VCPIP1: variants seen among roughly 807,000 people sequenced by gnomAD.
The protein encoded by VCPIP1 is valosin containing protein interacting protein 1, also known as deubiquitinating protein VCPIP1.
In VCPIP1, 8 loss-of-function variants were observed where a neutral mutation model predicts 85.0. The ratio of observed to expected loss-of-function variants is 0.09; its 90% confidence interval spans 0.06 to 0.17. The LOEUF is 0.17. VCPIP1 is among the 10% of genes least tolerant of loss of function. VCPIP1 has a pLI of 1.00. For missense variants in VCPIP1, 1,070 were observed against 1,486.3 expected, an observed-to-expected ratio of 0.72 and a Z score of 4.61; for synonymous variants, 543 against 544.5, an observed-to-expected ratio of 1.00 and a Z score of 0.04.
chr8:66,653,229 TAA>T (rs1811070426), intron 1 of VCPIP1, among the ~76,000 whole-genome samples: 1 of 152,184 alleles, frequency 6.6e-6, no homozygotes, highest in African/African-American at 2.4e-5. Flanking sequence ...TTAATATTAA[TAA>T]GAGTCCACAA....
chr8:66,643,536 T>C (rs538805024), intron 2 of VCPIP1, among the ~76,000 whole-genome samples: 3 of 151,966 alleles, frequency 2.0e-5, no homozygotes, highest in African/African-American at 7.2e-5. Flanking sequence ...ACCCTGTCTC[T>C]ACTAAAAATA....
At chr8:66,653,834 A>G (rs1811074909) in intron 1 of VCPIP1, among the ~76,000 whole-genome samples, 2 of 152,138 alleles carry the variant, frequency 1.3e-5, no homozygotes, top group Admixed American at 1.3e-4. Flanking sequence ...GATATACCTT[A>G]TATCTGCTTA....
intron 2 of VCPIP1, among the ~76,000 whole-genome samples, chr8:66,636,236 CAAAAAAAA>C (rs1180259925): frequency 3.9e-4 from 16 of 41,524 alleles, no homozygotes; most frequent in South Asian, 3.3e-3. Flanking sequence ...GACTCCATCT[CAAAAAAAA>C]AAAAAAAAAA....
chr8:66,649,343 T>C (rs1811030705), intron 2 of VCPIP1, among the ~76,000 whole-genome samples: 1 of 151,912 alleles, frequency 6.6e-6, no homozygotes, highest in Non-Finnish European at 1.5e-5. Flanking sequence ...AAACCCCATC[T>C]CAACTAAAAA....
At chr8:66,645,202 C>T (rs998969318) in intron 2 of VCPIP1, among the ~76,000 whole-genome samples, 4 of 150,844 alleles carry the variant, frequency 2.7e-5, no homozygotes, top group Admixed American at 1.3e-4. Context: ...AGGCAGATCA[C>T]GAGTCAGGAG....
Position 66,632,026 on chromosome 8 carries a change from T to C in VCPIP1, c.*2475A>G, listed in dbSNP as rs182935512. On this transcript the variant is annotated 3_prime_UTR_variant, in exon 3 of 3. Transcript: ENST00000310421. Reference sequence around the variant, plus strand: ...GTTTAGTGAAGCACTGCAAACAGAATTGCAGGAATGCATTTTAGTTATAAT... The same window carrying C: ...GTTTAGTGAAGCACTGCAAACAGAACTGCAGGAATGCATTTTAGTTATAAT... 43 of 151,182 alleles carry C rather than the reference T, an allele frequency of 2.8e-4. No individual in the cohort carries two copies. The highest frequency in any genetic ancestry group is 1.0e-3 in the African/African-American group (42 of 41,134). 9.4% of individuals were successfully genotyped at this position (151,182 alleles called of 1,614,324 possible).
chr8:66,659,770 A>C (rs898546788), intron 1 of VCPIP1, among the ~76,000 whole-genome samples: 6 of 152,024 alleles, frequency 3.9e-5, no homozygotes, highest in African/African-American at 1.2e-4. Context: ...ATCTCTACTA[A>C]AAATACAAAA....
chr8:66,645,495 T>C (rs114179804), intron 2 of VCPIP1, among the ~76,000 whole-genome samples: 4,004 of 152,228 alleles, frequency 0.026, 187 homozygotes, highest in African/African-American at 0.09. Context: ...AATTGAAATT[T>C]GTAGAAGCAT....
In VCPIP1 at chr8:66,665,722, G is replaced by C. The variant is rs747484340; in HGVS notation, c.1237C>G (p.Leu413Val). Residue 413 changes from leucine (L) to valine (V), a missense_variant, in exon 1 of 3, where the codon CTT becomes GTT. This residue lies in a region of VCPIP1 where 83 missense variants were observed against 134.6 expected (regional missense o/e 0.62). Transcript: ENST00000310421. The surrounding 1 kb of genome is among the most constrained non-coding windows in gnomAD (Gnocchi z 4.3). Reference protein sequence around the residue: ...RSLQDKYLLRLVAAMEEVFMD... With the variant: ...RSLQDKYLLRVVAAMEEVFMD... ...AAGACTTCTTCCATAGCAGCAACAA[G>C]CCTAAGTAAGTATTTATCTTGCAAA... is the stretch of plus-strand genomic sequence containing the variant. 6.2e-7 allele frequency: 1 copy of C among 1,613,994 alleles called. No individual in the cohort carries two copies. The highest frequency in any genetic ancestry group is 1.3e-5 in the African/African-American group (1 of 74,908).
intron 2 of VCPIP1, among the ~76,000 whole-genome samples, chr8:66,645,912 A>G (rs562248124): frequency 6.0e-4 from 91 of 152,208 alleles, no homozygotes; most frequent in African/African-American, 2.1e-3. Flanking sequence ...CCCGGGTAAC[A>G]AAGTGGGACC....
intron 2 of VCPIP1, among the ~76,000 whole-genome samples, chr8:66,638,532 C>G (rs1810911800): frequency 1.3e-5 from 2 of 149,938 alleles, no homozygotes. Context: ...GTAATCCCAG[C>G]ACTTTGGGAG....
At chr8:66,645,030 T>C (rs1416300359) in intron 2 of VCPIP1, among the ~76,000 whole-genome samples, 2 of 144,954 alleles carry the variant, frequency 1.4e-5, no homozygotes, top group African/African-American at 2.6e-5. Context: ...GCCCAGTTGG[T>C]GGTGGGACAC....
In VCPIP1 at chr8:66,629,238, GCA is replaced by G. The variant is rs1325107168; in HGVS notation, c.*5261_*5262del. The stretch of plus-strand genomic sequence containing the variant: ...GATCATCATCCTCGCAGAGAGGAAT[GCA>G]CAGAGAGGTCACAGAAAGCAGCGTA... On this transcript the variant is annotated 3_prime_UTR_variant, in exon 3 of 3. Coordinates refer to ENST00000310421, the MANE Select transcript of VCPIP1 (RefSeq NM_025054.5). 2 of 152,174 alleles carry G rather than the reference GCA, an allele frequency of 1.3e-5. No homozygotes were observed. The highest frequency in any genetic ancestry group is 2.4e-5 in the African/African-American group (1 of 41,434). 9.4% of individuals were successfully genotyped at this position (152,174 alleles called of 1,614,324 possible).
chr8:66,664,277 G>A lies in VCPIP1; in HGVS notation c.2682C>T (p.Tyr894=). 6.3e-7 allele frequency: 1 copy of A among 1,594,954 alleles called. No homozygotes were observed. Among genetic ancestry groups the A allele is most frequent in the Non-Finnish European group, 8.6e-7 (1 of 1,168,006 alleles). The part of the protein sequence containing the change: ...ELQEQAEKEM[Y]SLCLLATLMG... The stretch of plus-strand genomic sequence containing the variant: ...TTAATGTTGCTAAAAGACACAAGGA[G>A]TACATTTCTTTTTCAGCTTGCTCCT... Residue 894 remains tyrosine (Y), a synonymous_variant, in exon 1 of 3, where the codon TAC becomes TAT. Transcript: ENST00000310421.
At chr8:66,648,561 CT>C (rs1811020224) in intron 2 of VCPIP1, among the ~76,000 whole-genome samples, 1 of 151,534 alleles carries the variant, frequency 6.6e-6, no homozygotes, top group Non-Finnish European at 1.5e-5. Context: ...ATCTATCTAT[CT>C]ATCTATCTAT....
At position 66,633,690 on chromosome 8, in the gene VCPIP1, T is replaced by C. The variant is rs1415605426; in HGVS notation, c.*811A>G. ...AAGATAAACTCTTATTTATAAATTCTCTACTGCTACCATTATTTCTTTTTC... is the reference window on the plus strand; with the variant it reads ...AAGATAAACTCTTATTTATAAATTCCCTACTGCTACCATTATTTCTTTTTC... On this transcript the variant is annotated 3_prime_UTR_variant, in exon 3 of 3. Transcript: ENST00000310421. The C allele has an allele frequency of 6.6e-6, 1 of 152,088 alleles. No homozygotes were observed. 9.4% of individuals were successfully genotyped at this position (152,088 alleles called of 1,614,324 possible).
intron 2 of VCPIP1, among the ~76,000 whole-genome samples, chr8:66,649,732 G>A (rs115207378): frequency 1.3e-5 from 2 of 152,292 alleles, no homozygotes; most frequent in African/African-American, 4.8e-5. Flanking sequence ...AAACTTTTTG[G>A]AGTGATGAAA....
intron 1 of VCPIP1, among the ~76,000 whole-genome samples, chr8:66,655,973 A>G (rs546850306): frequency 1.3e-5 from 2 of 152,166 alleles, no homozygotes; most frequent in South Asian, 2.1e-4. Flanking sequence ...TACCTGAAAC[A>G]GTAGCTATAT....
chr8:66,635,202 C>G lies in VCPIP1; in HGVS notation c.2968G>C (p.Ala990Pro), dbSNP rs774517111. The stretch of plus-strand genomic sequence containing the variant: ...CTTGATTCCCTACTTCTTGTAGTAG[C>G]CTCTGCTCGAACCTGACTTACAGCC... The part of the protein sequence containing the change: ...KEAVSQVRAE[A>P]TTRSRESSPS... The change falls in exon 3 of 3, where the codon GCT becomes CCT. Residue 990 changes from alanine to proline, a missense_variant. Physicochemically the swap from Ala to Pro is conservative, Grantham distance 27. Transcript: ENST00000310421. The G allele has an allele frequency of 6.8e-6, 11 of 1,614,176 alleles. No individual in the cohort carries two copies. The highest frequency in any genetic ancestry group is 8.5e-6 in the Non-Finnish European group (10 of 1,180,036).
Sources: gnomAD v4.1 joint callset for allele counts (sites outside exome capture counted in the v4.1 genomes callset) on GRCh38, gnomAD v4.1.1 for gene constraint, gnomAD v4.1.1 regional missense constraint, Gnocchi (gnomAD v3.1) non-coding constraint, MANE v1.5 for transcripts, NCBI Gene and HGNC (gene_info 2026-07-23, HGNC 2026-07-21) for gene names.